Variants in ABTB3 observed in about 807,000 individuals in gnomAD.
The protein encoded by ABTB3 is ankyrin repeat- and BTB/POZ domain-containing protein 3.
chr12:107,334,774 A>T, the ABTB3 span, among the ~76,000 whole-genome samples: 2 of 152,142 alleles, frequency 1.3e-5, no homozygotes, highest in Non-Finnish European at 2.9e-5. Flanking sequence ...CTTGGGCCAG[A>T]TGGAAGAGGA....
the ABTB3 span, among the ~76,000 whole-genome samples, chr12:107,519,605 ACCACACC>A: frequency 6.6e-6 from 1 of 152,194 alleles, no homozygotes; most frequent in African/African-American, 2.4e-5. Context: ...GGCGTGAGCC[ACCACACC>A]AGGCCTAGGG....
the ABTB3 span, among the ~76,000 whole-genome samples, chr12:107,482,976 CTTTCTTTCT>C: frequency 9.8e-5 from 4 of 40,816 alleles, no homozygotes; most frequent in African/African-American, 2.6e-4. Context: ...TTCTTTCTTT[CTTTCTTTCT>C]TTCCTTCCTT....
the ABTB3 span, among the ~76,000 whole-genome samples, chr12:107,522,200 C>G: frequency 6.6e-6 from 1 of 152,044 alleles, no homozygotes; most frequent in Non-Finnish European, 1.5e-5. Context: ...AATAATTTGC[C>G]AAAGGCCCTG....
the ABTB3 span, among the ~76,000 whole-genome samples, chr12:107,637,344 A>T: frequency 6.6e-6 from 1 of 152,166 alleles, no homozygotes; most frequent in Admixed American, 6.6e-5. Flanking sequence ...GTGAACCAAG[A>T]TTATGCCACT....
the ABTB3 span, among the ~76,000 whole-genome samples, chr12:107,654,836 A>ACG: frequency 1.3e-5 from 2 of 148,226 alleles, no homozygotes; most frequent in African/African-American, 2.6e-5. Context: ...ACACACACAC[A>ACG]CACACACACA....
chr12:107,527,796 T>C, the ABTB3 span, among the ~76,000 whole-genome samples: 3 of 152,324 alleles, frequency 2.0e-5, no homozygotes, highest in African/African-American at 4.8e-5. Context: ...CTGGATTATA[T>C]GTGGTCTTTT....
At chr12:107,592,402 G>C in the ABTB3 span, among the ~76,000 whole-genome samples, 1 of 152,308 alleles carries the variant, frequency 6.6e-6, no homozygotes, top group East Asian at 1.9e-4. Context: ...CCTAGAGAAA[G>C]TCTTCCCATA....
chr12:107,552,321 T>C, the ABTB3 span, among the ~76,000 whole-genome samples: 1 of 152,232 alleles, frequency 6.6e-6, no homozygotes, highest in African/African-American at 2.4e-5. Context: ...TCTTCATTAG[T>C]ATTTGCAGGG....
chr12:107,318,817 G>A, the ABTB3 span: 108 of 1,102,204 alleles, frequency 9.8e-5, 2 homozygotes, highest in Middle Eastern at 1.5e-3. Flanking sequence ...TGGTAGCAGC[G>A]GCTAGTGGAA....
At chr12:107,555,592 A>C in the ABTB3 span, among the ~76,000 whole-genome samples, 5 of 152,204 alleles carry the variant, frequency 3.3e-5, no homozygotes, top group Non-Finnish European at 7.3e-5. Context: ...TCTGACTTCT[A>C]TGACACAAAG....
At chr12:107,341,299 C>T in the ABTB3 span, among the ~76,000 whole-genome samples, 1 of 152,116 alleles carries the variant, frequency 6.6e-6, no homozygotes, top group African/African-American at 2.4e-5. Flanking sequence ...AGGCTTTGTC[C>T]CAGGAGCTGA....
the ABTB3 span, among the ~76,000 whole-genome samples, chr12:107,435,050 T>C: frequency 2.6e-5 from 4 of 152,216 alleles, no homozygotes; most frequent in African/African-American, 7.2e-5. Context: ...GGCTTTAATT[T>C]TGGAGCAGTT....
chr12:107,418,917 T>G, the ABTB3 span, among the ~76,000 whole-genome samples: 1 of 152,184 alleles, frequency 6.6e-6, no homozygotes, highest in Non-Finnish European at 1.5e-5. Context: ...CCTACCCCCA[T>G]GAAAGTCCAG....
the ABTB3 span, among the ~76,000 whole-genome samples, chr12:107,507,067 AAG>A: frequency 1.3e-5 from 2 of 152,140 alleles, no homozygotes; most frequent in Admixed American, 1.3e-4. Flanking sequence ...GATGGCAGTG[AAG>A]AGAGGGTGTA....
At chr12:107,319,576 C>T in the ABTB3 span, 5 of 1,539,772 alleles carry the variant, frequency 3.2e-6, no homozygotes, top group Non-Finnish European at 4.4e-6. Flanking sequence ...TCACCTTCTC[C>T]GTGGGCCGCG....
the ABTB3 span, among the ~76,000 whole-genome samples, chr12:107,465,223 A>G: frequency 5.7e-4 from 87 of 152,228 alleles, 2 homozygotes; most frequent in East Asian, 0.015. Flanking sequence ...TGCCCCGAGG[A>G]TTTGATGCAT....
chr12:107,559,303 G>C, the ABTB3 span, among the ~76,000 whole-genome samples: 1 of 152,210 alleles, frequency 6.6e-6, no homozygotes, highest in Admixed American at 6.5e-5. Context: ...GGCCTCCCCA[G>C]GTTGTTGGCT....
the ABTB3 span, among the ~76,000 whole-genome samples, chr12:107,390,068 G>A: frequency 6.6e-6 from 1 of 152,284 alleles, no homozygotes; most frequent in East Asian, 1.9e-4. Context: ...TCTGGCCAAA[G>A]TTCTGGCTAG....
chr12:107,390,851 A>C, the ABTB3 span, among the ~76,000 whole-genome samples: 1 of 152,194 alleles, frequency 6.6e-6, no homozygotes, highest in Non-Finnish European at 1.5e-5. Flanking sequence ...ACTTTCCATG[A>C]ATTAATTTAT....
Sources: allele counts gnomAD v4.1 joint callset (sites outside exome capture counted in the v4.1 genomes callset), GRCh38; gene constraint gnomAD v4.1.1; transcripts MANE v1.5; gene names NCBI Gene and HGNC (gene_info 2026-07-23, HGNC 2026-07-21).